GAS2L1: variants seen among roughly 807,000 people sequenced by gnomAD.
The protein encoded by GAS2L1 is GAS2-like protein 1.
In GAS2L1, 26 loss-of-function variants were observed where a neutral mutation model predicts 44.0. That is an observed-to-expected ratio of 0.59 (90% CI 0.43 to 0.82). The LOEUF (loss-of-function observed/expected upper bound fraction) is 0.82. GAS2L1 is among the 40% of genes least tolerant of loss of function. The probability of loss-of-function intolerance (pLI) is 0.00; values close to 1 mark genes in which losing one functional copy is unlikely to be tolerated. For synonymous variants in GAS2L1, 426 were observed against 415.9 expected, an observed-to-expected ratio of 1.02 and a Z score of -0.30; for missense variants, 1,006 against 983.0, an observed-to-expected ratio of 1.02 and a Z score of -0.31.
chr22:29,308,093 G>T, exon 1 of GAS2L1: 1 of 1,534,370 alleles, frequency 6.5e-7, no homozygotes. Context: ...ACAGTGACTC[G>T]GCCGGTCCGG....
chr22:29,311,506 C>T (rs1163205983), exon 5 of GAS2L1: 1 of 1,531,000 alleles, frequency 6.5e-7, no homozygotes, highest in South Asian at 1.2e-5. Flanking sequence ...CGCCGCTACT[C>T]CGGGGACAGT....
exon 5 of GAS2L1, chr22:29,312,732 G>A (rs890953342): frequency 7.6e-6 from 3 of 394,544 alleles, no homozygotes; most frequent in Non-Finnish European, 1.3e-5. Context: ...CGAGCCCGGT[G>A]TTCTGAAGAC....
exon 5 of GAS2L1, chr22:29,312,502 C>T (rs762340862): frequency 2.4e-5 from 36 of 1,501,892 alleles, no homozygotes; most frequent in Non-Finnish European, 3.1e-5. Flanking sequence ...ATGTGATGGA[C>T]CAGCTCAGCT....
At chr22:29,311,070 G>A in intron 4 of GAS2L1, 72 bp downstream of exon 5, 2 of 1,413,362 alleles carry the variant, frequency 1.4e-6, no homozygotes, top group South Asian at 1.3e-5. Context: ...TGCATGATGG[G>A]TTGCCTGTGC....
At chr22:29,311,183 G>A in intron 4 of GAS2L1, 185 bp downstream of exon 5, 2 of 619,798 alleles carry the variant, frequency 3.2e-6, no homozygotes, top group East Asian at 5.6e-5. Context: ...AGCTGGGGCG[G>A]GCCCTGTGGC....
chr22:29,308,419 C>T (rs151047568), exon 1 of GAS2L1: 171 of 1,608,276 alleles, frequency 1.1e-4, no homozygotes, highest in Non-Finnish European at 1.4e-4. Flanking sequence ...AACGTGGCCA[C>T]CTTCATCGGC....
chr22:29,311,193 C>T (rs1488823684), intron 4 of GAS2L1, 195 bp downstream of exon 5: 2 of 611,434 alleles, frequency 3.3e-6, no homozygotes, highest in Non-Finnish European at 2.8e-6. Flanking sequence ...GGCCCTGTGG[C>T]TGGGCGGCAG....
chr22:29,312,698 T>C (rs945750858), exon 5 of GAS2L1: 5 of 437,238 alleles, frequency 1.1e-5, no homozygotes, highest in South Asian at 8.5e-5. Flanking sequence ...ACTAATATTA[T>C]TGAATGCCTT....
At chr22:29,308,668 C>T in exon 1 of GAS2L1, 2 of 1,529,530 alleles carry the variant, frequency 1.3e-6, no homozygotes, top group Non-Finnish European at 1.8e-6. Flanking sequence ...ACTGAAACCG[C>T]CCCCGCACCA....
At chr22:29,312,047 T>C (rs1569142774) in exon 5 of GAS2L1, 1 of 1,612,520 alleles carries the variant, frequency 6.2e-7, no homozygotes, top group Non-Finnish European at 8.5e-7. Context: ...CCCGGGCCCT[T>C]GAGGCTGTTG....
At chr22:29,311,422 C>A in intron 4 of GAS2L1, 40 bp from the exon 6 acceptor site, 2 of 788,020 alleles carry the variant, frequency 2.5e-6, no homozygotes, top group African/African-American at 1.8e-5. Flanking sequence ...GCCAGTCCTT[C>A]CGTGGTACCC....
chr22:29,310,906 C>T, exon 4 of GAS2L1: 2 of 1,613,634 alleles, frequency 1.2e-6, no homozygotes, highest in Non-Finnish European at 8.5e-7. Context: ...GCCCTGCTAG[C>T]CCAGTCCCTG....
At chr22:29,308,486 G>A in exon 1 of GAS2L1, 7 of 1,608,858 alleles carry the variant, frequency 4.4e-6, no homozygotes, top group Non-Finnish European at 5.9e-6. Flanking sequence ...CTGAGGACCT[G>A]GTGCTGCGCA....
At chr22:29,310,912 C>A (rs370162582) in exon 4 of GAS2L1, 3 of 1,613,582 alleles carry the variant, frequency 1.9e-6, no homozygotes, top group Middle Eastern at 3.3e-4. Context: ...CTAGCCCAGT[C>A]CCTGGGAGTG....
chr22:29,311,242 G>T (rs1324322004), intron 4 of GAS2L1: 13 of 587,818 alleles, frequency 2.2e-5, no homozygotes, highest in Non-Finnish European at 3.6e-5. Context: ...GTCCTGGGAA[G>T]GGGGGTGTCT....
At chr22:29,308,553 C>G (rs762607803) in exon 1 of GAS2L1, 2 of 1,598,774 alleles carry the variant, frequency 1.3e-6, no homozygotes, top group East Asian at 2.2e-5. Context: ...TGGGGCACGC[C>G]TGGGCCTGCT....
chr22:29,311,097 C>A, intron 4 of GAS2L1, 99 bp downstream of exon 5: 2 of 1,234,820 alleles, frequency 1.6e-6, no homozygotes, highest in Non-Finnish European at 2.2e-6. Context: ...GTGACTCACA[C>A]CCTGGGAAAA....
chr22:29,312,360 GAC>G lies in GAS2L1; in HGVS notation c.1915_1916del (p.Gln639AlafsTer4), dbSNP rs765071118. On this transcript the variant is annotated frameshift_variant, in exon 5 of 5. Transcript: ENST00000618518. LOFTEE classifies it high-confidence loss of function. Reference sequence around the variant, plus strand: ...GAGGACCTGGGCACGGGGTCGGATGGACACACAGCCAGACCGTAAACCCTCAC... The same window carrying G: ...GAGGACCTGGGCACGGGGTCGGATGGACACAGCCAGACCGTAAACCCTCAC... 5.0e-6 allele frequency: 8 copies of G among 1,604,536 alleles called. No individual in the cohort carries two copies. The highest frequency in any genetic ancestry group is 1.3e-5 in the African/African-American group (1 of 74,752).
chr22:29,312,128 C>T lies in GAS2L1; in HGVS notation c.1677C>T (p.Ala559=), dbSNP rs138266431. 1.6e-4 allele frequency: 266 copies of T among 1,612,898 alleles called. 3 individuals carry two copies. In the East Asian group the frequency reaches 5.9e-3, roughly 36 times the overall value. ...CCGACCCTCCAGCTCCTGACTCTGC[C>T]TATTGTTCCTCCAGTTCCTCCTCTT... Residue 559 remains alanine, a synonymous_variant, in exon 5 of 5, where the codon GCC becomes GCT. Transcript: ENST00000618518.
Sources: allele counts gnomAD v4.1 joint callset, GRCh38; gene constraint gnomAD v4.1.1; transcripts MANE v1.5; gene names NCBI Gene and HGNC (gene_info 2026-07-23, HGNC 2026-07-21).